The following STK39 variants were observed in gnomAD, a reference collection of about 807,000 sequenced individuals.
STK39 encodes the protein STE20/SPS1-related proline-alanine-rich protein kinase.
STK39 carries 20 observed loss-of-function variants against 77.8 expected under a neutral mutation model. The ratio of observed to expected loss-of-function variants is 0.26; its 90% CI spans 0.18 to 0.37. The LOEUF (loss-of-function observed/expected upper bound fraction) is 0.37, where lower values mean the gene tolerates loss of function less well. STK39 is among the 10% of genes least tolerant of loss of function. STK39 has a pLI of 1.00. For synonymous variants in STK39, 246 were observed against 234.1 expected, an observed-to-expected ratio of 1.05 and a Z score of -0.47; for missense variants, 479 against 656.5, an observed-to-expected ratio of 0.73 and a Z score of 2.95.
chr2:168,178,854 C>G (rs1353631691), intron 2 of STK39, among the ~76,000 whole-genome samples: 1 of 152,158 alleles, frequency 6.6e-6, no homozygotes, highest in Non-Finnish European at 1.5e-5. Context: ...ATAAAGAAGT[C>G]GAGTTCTGGA....
At chr2:168,012,564 CTT>C in intron 16 of STK39, 68 bp downstream of exon 16, 1 of 1,263,608 alleles carries the variant, frequency 7.9e-7, no homozygotes, top group Non-Finnish European at 1.1e-6. Context: ...TTAATGAACA[CTT>C]TTGCTTCCAA....
chr2:168,215,026 C>A (rs944290991), intron 1 of STK39, among the ~76,000 whole-genome samples: 4 of 152,146 alleles, frequency 2.6e-5, no homozygotes, highest in African/African-American at 9.7e-5. Flanking sequence ...AGGGATGTAC[C>A]ATGATCCATG....
At position 168,144,938 on chromosome 2, in the gene STK39, G is replaced by A. The variant is rs139348790; in HGVS notation, c.629-4180C>T. 4.8e-3 allele frequency among the ~76,000 whole-genome samples: 729 copies of A among 150,484 alleles called. 9 individuals are homozygous for A. Among genetic ancestry groups the A allele is most frequent in the African/African-American group, 0.017 (698 of 40,848 alleles). ...CGAGGACGCAGTAAGCCATGATCATGCCACTGCACTCCAGTCTAGGCAACA... is the reference window on the plus strand; with the variant it reads ...CGAGGACGCAGTAAGCCATGATCATACCACTGCACTCCAGTCTAGGCAACA... On this transcript the variant is annotated intron_variant, in intron 5 of 17. Transcript: ENST00000355999.
At chr2:167,959,121 T>TATTTATTC (rs1010934571) in intron 17 of STK39, among the ~76,000 whole-genome samples, 3 of 151,780 alleles carry the variant, frequency 2.0e-5, no homozygotes, top group Non-Finnish European at 4.4e-5. Context: ...TTTATTTATT[T>TATTTATTC]ATTTATTTAT....
At chr2:168,202,057 G>A (rs928304625) in intron 1 of STK39, among the ~76,000 whole-genome samples, 1 of 152,136 alleles carries the variant, frequency 6.6e-6, no homozygotes, top group East Asian at 1.9e-4. Flanking sequence ...CCCCGCCCCC[G>A]CTACATGCTC....
intron 12 of STK39, among the ~76,000 whole-genome samples, chr2:168,074,466 T>C (rs1371616241): frequency 6.6e-6 from 1 of 152,204 alleles, no homozygotes; most frequent in African/African-American, 2.4e-5. Flanking sequence ...AAAGGGAAGC[T>C]GTTAAAATTT....
At chr2:168,202,619 T>G (rs1574551629) in intron 1 of STK39, among the ~76,000 whole-genome samples, 1 of 152,184 alleles carries the variant, frequency 6.6e-6, no homozygotes, top group African/African-American at 2.4e-5. Context: ...TTGGTCATGA[T>G]GCTCTGTCCA....
chr2:168,068,843 T>C (rs1685865193), intron 12 of STK39, among the ~76,000 whole-genome samples: 1 of 152,134 alleles, frequency 6.6e-6, no homozygotes, highest in African/African-American at 2.4e-5. Context: ...GTTAAATCTC[T>C]CTCTCCATCT....
chr2:168,113,171 C>T (rs1411425969), intron 10 of STK39: 1 of 152,238 alleles, frequency 6.6e-6, no homozygotes, highest in Non-Finnish European at 1.5e-5. Flanking sequence ...ATTCATCCAT[C>T]TTGCCTCCTC....
Position 168,016,134 on chromosome 2 carries a change from G to A in STK39, c.1429+909C>T, listed in dbSNP as rs566431689. ...GTAGATATGGGGTTTCACCATGTTGGCCAGGCTGATCTCACACTCCTAGCC... is the reference window on the plus strand; with the variant it reads ...GTAGATATGGGGTTTCACCATGTTGACCAGGCTGATCTCACACTCCTAGCC... On this transcript the variant is annotated intron_variant, in intron 15 of 17. Coordinates refer to ENST00000355999, the MANE Select transcript of STK39 (RefSeq NM_013233.3). Among the ~76,000 whole-genome samples the A allele has an allele frequency of 6.6e-5, 10 of 152,146 alleles. No homozygotes were observed. The South Asian group carries it at 2.1e-3, about 32-fold the overall frequency.
chr2:168,219,328 T>C (rs927885859), intron 1 of STK39, among the ~76,000 whole-genome samples: 2 of 152,046 alleles, frequency 1.3e-5, no homozygotes. Context: ...TGTGTTCAGA[T>C]ACTTTCCACA....
At chr2:168,098,357 T>C (rs1475022473) in intron 10 of STK39, among the ~76,000 whole-genome samples, 1 of 152,170 alleles carries the variant, frequency 6.6e-6, no homozygotes, top group Non-Finnish European at 1.5e-5. Context: ...GAAATCCGTA[T>C]CACAAGGTGG....
chr2:168,056,955 A>C (rs978847933), intron 14 of STK39, among the ~76,000 whole-genome samples: 2 of 152,194 alleles, frequency 1.3e-5, no homozygotes, highest in Non-Finnish European at 1.5e-5. Context: ...GGCAGGGAAC[A>C]ATACTGGATA....
chr2:168,091,150 G>GCACACACACACACACA (rs71927823), intron 10 of STK39, among the ~76,000 whole-genome samples: 16 of 147,650 alleles, frequency 1.1e-4, no homozygotes, highest in African/African-American at 3.2e-4. Flanking sequence ...ACAAACAGGT[G>GCACACACACACACACA]CACACACACA....
chr2:168,155,875 G>A (rs1017354555), intron 5 of STK39, among the ~76,000 whole-genome samples: 1 of 152,162 alleles, frequency 6.6e-6, no homozygotes, highest in Non-Finnish European at 1.5e-5. Context: ...CCACCAACAG[G>A]CACATGTACT....
At chr2:168,021,607 C>T (rs972419030) in intron 14 of STK39, among the ~76,000 whole-genome samples, 7 of 152,076 alleles carry the variant, frequency 4.6e-5, no homozygotes, top group African/African-American at 1.7e-4. Flanking sequence ...GTCTGAGCAA[C>T]TTTATAGAGG....
At chr2:168,004,247 G>C (rs1305635675) in intron 16 of STK39, among the ~76,000 whole-genome samples, 2 of 151,216 alleles carry the variant, frequency 1.3e-5, no homozygotes, top group Non-Finnish European at 3.0e-5. Context: ...TGCCATATAT[G>C]TGGCATCTAC....
intron 2 of STK39, among the ~76,000 whole-genome samples, chr2:168,181,165 C>CCAAT (rs1355524357): frequency 6.6e-6 from 1 of 152,106 alleles, no homozygotes; most frequent in Admixed American, 6.6e-5. Flanking sequence ...GTGGGGATAA[C>CCAAT]CAATCAGTTA....
At chr2:168,100,750 C>T (rs1686802206) in intron 10 of STK39, among the ~76,000 whole-genome samples, 1 of 152,168 alleles carries the variant, frequency 6.6e-6, no homozygotes, top group African/African-American at 2.4e-5. Flanking sequence ...CTCTTTTACA[C>T]TGTTGGTGGG....
Sources: gnomAD v4.1 joint callset for allele counts (sites outside exome capture counted in the v4.1 genomes callset) on GRCh38, gnomAD v4.1.1 for gene constraint, MANE v1.5 for transcripts, NCBI Gene and HGNC (gene_info 2026-07-23, HGNC 2026-07-21) for gene names.